The following GSG1L variants were observed in gnomAD, a reference collection of about 807,000 sequenced individuals.
GSG1L encodes germ cell-specific gene 1-like protein.
Under a neutral mutation model 42.1 loss-of-function variants are expected in GSG1L, and 24 were observed. The ratio of observed to expected loss-of-function variants is 0.57; its 90% confidence interval spans 0.41 to 0.80. The LOEUF is 0.80. Ranked by LOEUF, GSG1L falls within the 30% of genes least tolerant of loss-of-function variation. The pLI is 0.00. For synonymous variants in GSG1L, 215 were observed against 203.5 expected, an observed-to-expected ratio of 1.06 and a Z score of -0.48; for missense variants, 445 against 472.2, an observed-to-expected ratio of 0.94 and a Z score of 0.53.
At chr16:27,895,715 G>C (rs1259123078) in intron 2 of GSG1L, among the ~76,000 whole-genome samples, 1 of 151,988 alleles carries the variant, frequency 6.6e-6, no homozygotes, top group African/African-American at 2.4e-5. Flanking sequence ...GTCCCAGAGA[G>C]GGCGAGTGAG....
Position 27,876,984 on chromosome 16 carries a change from A to G in GSG1L, c.550+7502T>C, listed in dbSNP as rs918220283. Among the ~76,000 whole-genome samples the G allele has an allele frequency of 2.6e-5, 4 of 152,322 alleles. No homozygotes were observed. In the South Asian group the frequency reaches 6.2e-4, roughly 24 times the overall value. ...AGTGCTGTTTTTCCTGAAAGCCCAC[A>G]GTTAGCTGGACTGTGCAGGAATTTT... On this transcript the variant is annotated intron_variant, in intron 3 of 6. Transcript: ENST00000447459.
intron 1 of GSG1L, among the ~76,000 whole-genome samples, chr16:28,010,342 G>A (rs75283091): frequency 0.096 from 14,603 of 152,204 alleles, 958 homozygotes; most frequent in Middle Eastern, 0.15. Context: ...CAAATGCAGA[G>A]GCAGGTTAGG....
At chr16:27,958,455 C>CGATAGAATATCCTACACCTGTTT (rs1555510831) in intron 2 of GSG1L, among the ~76,000 whole-genome samples, 1 of 150,226 alleles carries the variant, frequency 6.7e-6, no homozygotes, top group Non-Finnish European at 1.5e-5. Flanking sequence ...AGTCATCATG[C>CGATAGAATATCCTACACCTGTTT]GATAGAATAT....
intron 1 of GSG1L, among the ~76,000 whole-genome samples, chr16:28,057,631 G>C (rs186327921): frequency 2.4e-4 from 37 of 152,308 alleles, no homozygotes; most frequent in African/African-American, 8.7e-4. Flanking sequence ...CGGTTCAGAT[G>C]TGATGCACGG....
intron 3 of GSG1L, among the ~76,000 whole-genome samples, chr16:27,866,294 G>A (rs2083723913): frequency 6.6e-6 from 1 of 152,140 alleles, no homozygotes; most frequent in African/African-American, 2.4e-5. Context: ...GAAAGTCTCA[G>A]TGCTGCCACA....
chr16:27,868,996 G>T (rs922726385), intron 3 of GSG1L, among the ~76,000 whole-genome samples: 1 of 152,262 alleles, frequency 6.6e-6, no homozygotes, highest in South Asian at 2.1e-4. Flanking sequence ...GGGTTGGAAG[G>T]CCAGCATGTG....
At position 27,794,120 on chromosome 16, in the gene GSG1L, T is replaced by A. The variant is rs113705300; in HGVS notation, c.899-2653A>T. 6.3e-3 allele frequency among the ~76,000 whole-genome samples: 966 copies of A among 152,282 alleles called. 6 individuals are homozygous for A. Among genetic ancestry groups the A allele is most frequent in the African/African-American group, 0.018 (746 of 41,544 alleles). On this transcript the variant is annotated intron_variant, in intron 6 of 6. Transcript: ENST00000447459. ...GCCTCGAGCTCCTAGGTTTAAACAA[T>A]CCTCTTGCCTCAGTCTTCTGAGTAG... is the stretch of plus-strand genomic sequence containing the variant.
chr16:27,889,210 G>A (rs529405225), intron 2 of GSG1L, among the ~76,000 whole-genome samples: 2 of 151,980 alleles, frequency 1.3e-5, no homozygotes, highest in Non-Finnish European at 1.5e-5. Context: ...GGCTGGTCTC[G>A]AACTCTCAGC....
intron 3 of GSG1L, among the ~76,000 whole-genome samples, chr16:27,849,948 C>CAAGATGAAG (rs2083489532): frequency 6.7e-6 from 1 of 149,126 alleles, no homozygotes; most frequent in African/African-American, 2.5e-5. Flanking sequence ...TGCCATTTGC[C>CAAGATGAAG]AAGATGAAGA....
At chr16:27,892,593 G>A (rs549461602) in intron 2 of GSG1L, among the ~76,000 whole-genome samples, 8 of 152,012 alleles carry the variant, frequency 5.3e-5, no homozygotes, top group African/African-American at 7.2e-5. Flanking sequence ...GTGAAACCCC[G>A]TCTCTACTAA....
rs946714728 is a variant in GSG1L, at chr16:27,788,728, C to T, written c.*2642G>A. ...CCTTGTTGTCCTGTTAGTAAACACCCACAAAGTGTTTACTTGTGCCAGGCT... is the reference window on the plus strand; with the variant it reads ...CCTTGTTGTCCTGTTAGTAAACACCTACAAAGTGTTTACTTGTGCCAGGCT... On this transcript the variant is annotated 3_prime_UTR_variant, in exon 7 of 7. Coordinates refer to ENST00000447459, the MANE Select transcript of GSG1L (RefSeq NM_001109763.2). The T allele has an allele frequency of 1.3e-5, 2 of 152,232 alleles. No individual in the cohort carries two copies. The highest frequency in any genetic ancestry group is 4.8e-5 in the African/African-American group (2 of 41,452). 9.4% of individuals were successfully genotyped at this position (152,232 alleles called of 1,614,324 possible). A position where few individuals can be genotyped will look rare whatever the true frequency, so the allele number is the denominator to read the frequency against.
intron 6 of GSG1L, among the ~76,000 whole-genome samples, chr16:27,797,508 A>G (rs2082830891): frequency 8.1e-6 from 1 of 123,008 alleles, no homozygotes; most frequent in Non-Finnish European, 1.7e-5. Context: ...GAGCAGCAAG[A>G]GCAAAACTCC....
chr16:27,820,601 T>A (rs565545284), intron 5 of GSG1L, among the ~76,000 whole-genome samples: 1 of 152,250 alleles, frequency 6.6e-6, no homozygotes, highest in South Asian at 2.1e-4. Context: ...CCGGTGAATG[T>A]GTAAGGAGCC....
chr16:27,950,648 C>CCTGACT (rs1297558734), intron 2 of GSG1L, among the ~76,000 whole-genome samples: 4 of 152,052 alleles, frequency 2.6e-5, no homozygotes, highest in African/African-American at 7.2e-5. Flanking sequence ...AGAGGCTGAG[C>CCTGACT]CTGACTCTGA....
chr16:27,997,912 T>G (rs2085536058), intron 1 of GSG1L, among the ~76,000 whole-genome samples: 1 of 137,174 alleles, frequency 7.3e-6, no homozygotes, highest in African/African-American at 2.7e-5. Flanking sequence ...CAGGCTGGAG[T>G]GCAGCGGCAC....
intron 1 of GSG1L, among the ~76,000 whole-genome samples, chr16:28,007,081 A>G (rs545737177): frequency 6.6e-6 from 1 of 152,182 alleles, no homozygotes; most frequent in Admixed American, 6.5e-5. Flanking sequence ...GAGACTGAGT[A>G]ATGCCCCCAC....
intron 2 of GSG1L, among the ~76,000 whole-genome samples, chr16:27,946,020 C>G (rs1432629168): frequency 6.6e-6 from 1 of 152,240 alleles, no homozygotes; most frequent in Non-Finnish European, 1.5e-5. Context: ...GGTCAGAACA[C>G]ACAGCAAAGC....
intron 2 of GSG1L, among the ~76,000 whole-genome samples, chr16:27,909,698 A>C (rs548714056): frequency 7.0e-6 from 1 of 142,034 alleles, no homozygotes; most frequent in Admixed American, 7.2e-5. Context: ...CTGGAACACA[A>C]TGGTGTGATC....
At chr16:27,947,282 A>T (rs1169037484) in intron 2 of GSG1L, among the ~76,000 whole-genome samples, 2 of 151,854 alleles carry the variant, frequency 1.3e-5, no homozygotes, top group Non-Finnish European at 2.9e-5. Context: ...ATGTACCACT[A>T]CGCCTGGCTA....
Sources: gnomAD v4.1 joint callset for allele counts (sites outside exome capture counted in the v4.1 genomes callset) on GRCh38, gnomAD v4.1.1 for gene constraint, MANE v1.5 for transcripts, NCBI Gene and HGNC (gene_info 2026-07-23, HGNC 2026-07-21) for gene names.